SPIRE1: variants seen among roughly 807,000 people sequenced by gnomAD.
SPIRE1 encodes the protein protein spire homolog 1.
In SPIRE1, 40 loss-of-function variants were observed where a neutral mutation model predicts 94.1. The observed-to-expected ratio is 0.43, with a 90% confidence interval of 0.33 to 0.55. The LOEUF is 0.55. Among genes scored for constraint, SPIRE1 ranks in the 20% least tolerant of loss-of-function variants. SPIRE1 has a pLI of 0.06. For synonymous variants in SPIRE1, 376 were observed against 371.7 expected (o/e 1.01, Z -0.13); for missense variants, 838 against 975.2 (o/e 0.86, Z 1.87).
At position 12,520,571 on chromosome 18, in the gene SPIRE1, T is replaced by C. The variant is rs528916565; in HGVS notation, c.730-8040A>G. On this transcript the variant is annotated intron_variant, in intron 4 of 16. Coordinates refer to ENST00000409402, the MANE Select transcript of SPIRE1 (RefSeq NM_001128626.2). ...CAACACTCAAAACAAAAATAACAAA[T>C]CAAACAGAAAAAAGACAGACAGCAG... is the stretch of plus-strand genomic sequence containing the variant. Among the ~76,000 whole-genome samples, 11 of 151,862 alleles carry C rather than the reference T, an allele frequency of 7.2e-5. 1 individual carries two copies. The highest frequency in any genetic ancestry group is 1.3e-4 in the Non-Finnish European group (9 of 67,988).
intron 2 of SPIRE1, among the ~76,000 whole-genome samples, chr18:12,603,891 A>ATT (rs1021978145): frequency 6.6e-6 from 1 of 152,112 alleles, no homozygotes; most frequent in Non-Finnish European, 1.5e-5. Flanking sequence ...GTAGTCAATG[A>ATT]TTTATGCAGT....
chr18:12,616,784 T>C (rs570033721), intron 2 of SPIRE1, among the ~76,000 whole-genome samples: 3 of 152,246 alleles, frequency 2.0e-5, no homozygotes, highest in African/African-American at 7.2e-5. Flanking sequence ...TATTCAGCAA[T>C]GCAATACATT....
chr18:12,548,598 T>C (rs548496374), intron 2 of SPIRE1, among the ~76,000 whole-genome samples: 33 of 143,216 alleles, frequency 2.3e-4, no homozygotes, highest in Admixed American at 7.3e-4. Flanking sequence ...AGCCATTCTT[T>C]TCTTTCTTTT....
At position 12,584,242 on chromosome 18, in the gene SPIRE1, C is replaced by A. The variant is rs570949763; in HGVS notation, c.373-37338G>T. Among the ~76,000 whole-genome samples the A allele has an allele frequency of 2.3e-3, 356 of 152,030 alleles. 3 individuals carry two copies. The highest frequency in any genetic ancestry group is 0.014 in the South Asian group (69 of 4,810). On this transcript the variant is annotated intron_variant, in intron 2 of 16. Transcript: ENST00000409402. ...TTCAGGAGTTTGAGACCAGCCTGGC[C>A]AACATGGTGAAACCCCGTCTCTACT... is the stretch of plus-strand genomic sequence containing the variant.
In SPIRE1 at chr18:12,595,138, C is replaced by T. The variant is rs188306865; in HGVS notation, c.372+39924G>A. Among the ~76,000 whole-genome samples, 17 of 151,900 alleles carry T rather than the reference C, an allele frequency of 1.1e-4. No homozygotes were observed. In the East Asian group the frequency reaches 2.7e-3, roughly 24 times the overall value. On this transcript the variant is annotated intron_variant, in intron 2 of 16. Coordinates refer to ENST00000409402, the MANE Select transcript of SPIRE1 (RefSeq NM_001128626.2). The stretch of plus-strand genomic sequence containing the variant: ...ACCAACACAAAACAAAACAAAAATT[C>T]GCTGGGCATGGTGGTGGGGACCACT...
In SPIRE1 at chr18:12,479,934, T is replaced by C. The variant is rs2032779249; in HGVS notation, c.1232-63A>G. The C allele has an allele frequency of 2.5e-5, 38 of 1,497,358 alleles. No individual in the cohort carries two copies. The South Asian group carries it at 4.5e-4, about 18-fold the overall frequency. 92.8% of individuals were successfully genotyped at this position (1,497,358 alleles called of 1,614,324 possible). ...AGAAAGGTTATCTGTGTTGGAAGCA[T>C]ACCAGGTAACAGAGCATTTCATACA... On this transcript the variant is annotated intron_variant, in intron 9 of 16. Coordinates refer to ENST00000409402, the MANE Select transcript of SPIRE1 (RefSeq NM_001128626.2).
chr18:12,621,136 A>T (rs548130558), intron 2 of SPIRE1, among the ~76,000 whole-genome samples: 1 of 152,286 alleles, frequency 6.6e-6, no homozygotes, highest in African/African-American at 2.4e-5. Context: ...TAGGCTCAAC[A>T]TCATTAGCTA....
intron 2 of SPIRE1, among the ~76,000 whole-genome samples, chr18:12,580,602 G>C (rs921331081): frequency 6.6e-6 from 1 of 152,172 alleles, no homozygotes; most frequent in Admixed American, 6.5e-5. Flanking sequence ...GGGATTACAG[G>C]TGTGAGCCAC....
At chr18:12,550,766 T>C (rs751979236) in intron 2 of SPIRE1, among the ~76,000 whole-genome samples, 3 of 152,030 alleles carry the variant, frequency 2.0e-5, no homozygotes, top group Non-Finnish European at 4.4e-5. Flanking sequence ...TCACAAACAA[T>C]CTCTATATAT....
At chr18:12,520,998 CTTG>C (rs2034341016) in intron 4 of SPIRE1, among the ~76,000 whole-genome samples, 1 of 152,076 alleles carries the variant, frequency 6.6e-6, no homozygotes, top group East Asian at 1.9e-4. Context: ...TGGCTACTGG[CTTG>C]ATAAGAGATT....
rs551343015 is a variant in SPIRE1 at position 12,569,004 on chromosome 18, A to G, written c.373-22100T>C. Among the ~76,000 whole-genome samples, 77 of 152,304 alleles carry G rather than the reference A, an allele frequency of 5.1e-4. 1 individual carries two copies. The highest frequency in any genetic ancestry group is 4.5e-3 in the Admixed American group (69 of 15,282). ...ACTCACCTTTCCTAATTTAAACCTG[A>G]GCCAAAAAGTAATTCTAAAATTAAC... On this transcript the variant is annotated intron_variant, in intron 2 of 16. Coordinates refer to ENST00000409402, the MANE Select transcript of SPIRE1 (RefSeq NM_001128626.2).
At position 12,479,572 on chromosome 18, in the gene SPIRE1, C is replaced by T; in HGVS notation, c.1404+127G>A. The T allele has an allele frequency of 1.4e-5, 12 of 855,720 alleles. 1 individual carries two copies. Among genetic ancestry groups the T allele is most frequent in the Non-Finnish European group, 1.9e-5 (11 of 581,704 alleles). 53.0% of individuals were successfully genotyped at this position (855,720 alleles called of 1,614,324 possible). A position where few individuals can be genotyped will look rare whatever the true frequency, so the allele number is the denominator to read the frequency against. ...CCTGCAAACCAAATTAATTTTAATC[C>T]TAGCTTTACTGGTTGAAAAATGGGA... On this transcript the variant is annotated intron_variant, in intron 10 of 16. Coordinates refer to ENST00000409402, the MANE Select transcript of SPIRE1 (RefSeq NM_001128626.2).
At chr18:12,638,464 T>C (rs1052627087) in intron 1 of SPIRE1, among the ~76,000 whole-genome samples, 1 of 151,854 alleles carries the variant, frequency 6.6e-6, no homozygotes, top group African/African-American at 2.4e-5. Context: ...AATTAATTAA[T>C]TAAAAACAGA....
chr18:12,485,021 A>C (rs950814790), intron 9 of SPIRE1, among the ~76,000 whole-genome samples: 16 of 152,224 alleles, frequency 1.1e-4, no homozygotes, highest in African/African-American at 3.6e-4. Context: ...GTTTAACAGA[A>C]GGGTCTAAAC....
At chr18:12,466,239 A>C (rs2032094086) in intron 10 of SPIRE1, among the ~76,000 whole-genome samples, 1 of 152,198 alleles carries the variant, frequency 6.6e-6, no homozygotes, top group Non-Finnish European at 1.5e-5. Context: ...ATACTATGCG[A>C]GATAAACATT....
chr18:12,655,717 C>A (rs895226685), intron 1 of SPIRE1, among the ~76,000 whole-genome samples: 1 of 152,020 alleles, frequency 6.6e-6, no homozygotes, highest in East Asian at 1.9e-4. Flanking sequence ...AAAAACCCAT[C>A]CACGAGAATC....
In SPIRE1 at chr18:12,658,066, C is replaced by T. The variant is rs1272058039; in HGVS notation, c.-200G>A. The T allele has an allele frequency of 7.1e-6, 7 of 992,438 alleles. No homozygotes were observed. Among genetic ancestry groups the T allele is most frequent in the African/African-American group, 1.8e-5 (1 of 57,044 alleles). 61.5% of individuals were successfully genotyped at this position (992,438 alleles called of 1,614,324 possible). A position where few individuals can be genotyped will look rare whatever the true frequency, so the allele number is the denominator to read the frequency against. ...GGGCGGCGAGGACACGGCTGCAGTC[C>T]CGGTCAGACAGCCGCCGGCCGGTAG... On this transcript the variant is annotated 5_prime_UTR_variant, in exon 1 of 17. Coordinates refer to ENST00000409402, the MANE Select transcript of SPIRE1 (RefSeq NM_001128626.2).
At chr18:12,550,771 A>G (rs2035326862) in intron 2 of SPIRE1, among the ~76,000 whole-genome samples, 1 of 152,190 alleles carries the variant, frequency 6.6e-6, no homozygotes, top group Non-Finnish European at 1.5e-5. Flanking sequence ...AACAATCTCT[A>G]TATATGAAGT....
intron 2 of SPIRE1, among the ~76,000 whole-genome samples, chr18:12,618,891 T>C (rs1442947213): frequency 3.2e-5 from 4 of 125,878 alleles, no homozygotes; most frequent in African/African-American, 1.1e-4. Flanking sequence ...AAAACAATTT[T>C]TTTCCCCCCC....
Sources: allele counts gnomAD v4.1 joint callset (sites outside exome capture counted in the v4.1 genomes callset), GRCh38; gene constraint gnomAD v4.1.1; transcripts MANE v1.5; gene names NCBI Gene and HGNC (gene_info 2026-07-23, HGNC 2026-07-21).